BEND7: variants seen among roughly 807,000 people sequenced by gnomAD.
BEND7 encodes the protein BEN domain-containing protein 7.
In BEND7, 28 loss-of-function variants were observed where a neutral mutation model predicts 50.9. The observed-to-expected ratio is 0.55, with a 90% confidence interval of 0.41 to 0.75. BEND7 has a LOEUF of 0.75. BEND7 is among the 30% of genes least tolerant of loss of function. The pLI, the probability that BEND7 is intolerant of heterozygous loss-of-function variation, is 0.00. For synonymous variants in BEND7, 170 were observed against 183.9 expected (o/e 0.92, Z 0.61); for missense variants, 477 against 491.3 (o/e 0.97, Z 0.28).
Position 13,507,033 on chromosome 10 carries a change from C to T in BEND7, c.146-6953G>A, listed in dbSNP as rs533134465. Among the ~76,000 whole-genome samples the T allele has an allele frequency of 7.2e-5, 11 of 152,114 alleles. No homozygotes were observed. The South Asian group carries it at 2.3e-3, about 32-fold the overall frequency. ...TGGGTGCATGAGTTTGAGCATGAAGCCATATTTTGGTTTTATCCACGAGTA... is the reference window on the plus strand; with the variant it reads ...TGGGTGCATGAGTTTGAGCATGAAGTCATATTTTGGTTTTATCCACGAGTA... On this transcript the variant is annotated intron_variant, in intron 2 of 8. Coordinates refer to ENST00000466271, the MANE Select transcript of BEND7 (RefSeq NM_001369863.1).
At chr10:13,484,644 T>C (rs1042183726) in intron 5 of BEND7, among the ~76,000 whole-genome samples, 1 of 152,246 alleles carries the variant, frequency 6.6e-6, no homozygotes, top group East Asian at 1.9e-4. Context: ...AAAGCGAATA[T>C]GTTAATTTAC....
intron 6 of BEND7, among the ~76,000 whole-genome samples, chr10:13,453,625 A>C (rs1838290803): frequency 6.6e-6 from 1 of 152,234 alleles, no homozygotes; most frequent in Admixed American, 6.5e-5. Context: ...TGAAGAGCTC[A>C]TTCAAATAAA....
chr10:13,472,533 G>A lies in BEND7; in HGVS notation c.1063+8366C>T, dbSNP rs769187420. On this transcript the variant is annotated intron_variant, in intron 6 of 8. Transcript: ENST00000466271. ...ATTGTTAGACTTGGGGCTGGTACCC[G>A]TCATCGCTGTTGGACTTGGGGCCGA... is the stretch of plus-strand genomic sequence containing the variant. 3.0e-4 allele frequency among the ~76,000 whole-genome samples: 46 copies of A among 151,218 alleles called. 1 individual carries two copies. The highest frequency in any genetic ancestry group is 4.2e-4 in the South Asian group (2 of 4,762).
chr10:13,512,437 G>C (rs2078343874), intron 2 of BEND7, among the ~76,000 whole-genome samples: 1 of 152,238 alleles, frequency 6.6e-6, no homozygotes, highest in African/African-American at 2.4e-5. Context: ...AATAGAACAA[G>C]ACTGTAGATT....
chr10:13,506,959 T>C (rs934358568), intron 2 of BEND7, among the ~76,000 whole-genome samples: 7 of 152,012 alleles, frequency 4.6e-5, no homozygotes, highest in African/African-American at 1.7e-4. Flanking sequence ...GGAGTCTAGT[T>C]TCGATGAAGA....
intron 6 of BEND7, among the ~76,000 whole-genome samples, chr10:13,469,705 G>A (rs1440583381): frequency 2.0e-5 from 3 of 152,074 alleles, no homozygotes; most frequent in African/African-American, 7.2e-5. Flanking sequence ...TCAATCTCTC[G>A]ACCTCATGAT....
chr10:13,454,558 T>A (rs1838508834), intron 6 of BEND7, among the ~76,000 whole-genome samples: 1 of 151,838 alleles, frequency 6.6e-6, no homozygotes. Flanking sequence ...AGTTCAAGGC[T>A]GCAGTGAGCT....
intron 8 of BEND7, chr10:13,443,695 G>A (rs1835704255): frequency 6.6e-6 from 1 of 152,194 alleles, no homozygotes; most frequent in African/African-American, 2.4e-5. Context: ...TGGCCTAAAA[G>A]ATAATTTACC....
At chr10:13,448,213 G>A (rs1836849318) in intron 7 of BEND7, among the ~76,000 whole-genome samples, 2 of 152,082 alleles carry the variant, frequency 1.3e-5, no homozygotes, top group African/African-American at 2.4e-5. Flanking sequence ...AAAACCTTCT[G>A]TTACATGCGA....
At chr10:13,479,237 G>C (rs1316799882) in intron 6 of BEND7, among the ~76,000 whole-genome samples, 2 of 151,982 alleles carry the variant, frequency 1.3e-5, no homozygotes, top group Admixed American at 6.6e-5. Context: ...TTGAACTGCT[G>C]ACCTGCAGTG....
rs145419500 is a variant in BEND7 at position 13,503,051 on chromosome 10, T to C, written c.146-2971A>G. 2.1e-4 allele frequency: 84 copies of C among 393,566 alleles called. No individual in the cohort carries two copies. In the East Asian group the frequency reaches 0.012, roughly 57 times the overall value. 24.4% of individuals were successfully genotyped at this position (393,566 alleles called of 1,614,324 possible). ...ACCTTCTGAGGGCAAATCTGCTTTG[T>C]CATGACCTCAGTTTCAGAGTTCCAG... is the stretch of plus-strand genomic sequence containing the variant. On this transcript the variant is annotated intron_variant, in intron 2 of 8. Transcript: ENST00000466271.
intron 6 of BEND7, 92 bp from the exon 7 acceptor site, chr10:13,452,750 G>C (rs1219041419): frequency 1.6e-6 from 2 of 1,234,676 alleles, no homozygotes; most frequent in African/African-American, 3.1e-5. Context: ...AAAAAAAGTA[G>C]ATTTCTAAAG....
Position 13,529,012 on chromosome 10 carries a change from G to T in BEND7, c.-479C>A. The T allele has an allele frequency of 6.8e-6, 1 of 146,162 alleles. No individual in the cohort carries two copies. The highest frequency in any genetic ancestry group is 1.8e-4 in the South Asian group (1 of 5,510). 9.1% of individuals were successfully genotyped at this position (146,162 alleles called of 1,614,324 possible). On this transcript the variant is annotated 5_prime_UTR_variant, in exon 1 of 9. Transcript: ENST00000466271. ...GCGGGCGGGCTGCGGGGAGGGCGGC[G>T]GCGGGTGCAGAGCCGGCCGGGGCGC...
intron 2 of BEND7, among the ~76,000 whole-genome samples, chr10:13,502,505 G>A (rs947873901): frequency 3.9e-5 from 6 of 152,140 alleles, no homozygotes; most frequent in African/African-American, 9.7e-5. Context: ...GACCAAGCGA[G>A]ATTTCAATAA....
chr10:13,458,569 A>T (rs1406774991), intron 6 of BEND7, among the ~76,000 whole-genome samples: 1 of 152,244 alleles, frequency 6.6e-6, no homozygotes, highest in Non-Finnish European at 1.5e-5. Context: ...CCAGCTTCAG[A>T]GTTGATGATT....
chr10:13,482,132 C>A (rs2075909344), intron 5 of BEND7, among the ~76,000 whole-genome samples: 1 of 152,180 alleles, frequency 6.6e-6, no homozygotes, highest in South Asian at 2.1e-4. Context: ...TATTAGATTG[C>A]AGCCCTCCCT....
intron 6 of BEND7, among the ~76,000 whole-genome samples, chr10:13,464,859 T>A (rs1269171073): frequency 1.3e-5 from 2 of 152,230 alleles, no homozygotes; most frequent in Non-Finnish European, 2.9e-5. Flanking sequence ...TCTTTTGGGA[T>A]AAGCACCAAA....
At chr10:13,502,368 G>A (rs2077534878) in intron 2 of BEND7, among the ~76,000 whole-genome samples, 1 of 152,158 alleles carries the variant, frequency 6.6e-6, no homozygotes, top group African/African-American at 2.4e-5. Context: ...ATATTGCTAT[G>A]TGTTGTTGGC....
In BEND7 at chr10:13,447,582, C is replaced by T. The variant is rs926695666; in HGVS notation, c.1184-266G>A. ...TTTTTGAGACGGAGTCTCGCTCTGT[C>T]GCCCAGGCTGGAGTGCAGTGGCGCG... On this transcript the variant is annotated intron_variant, in intron 7 of 8. Transcript: ENST00000466271. Among the ~76,000 whole-genome samples, 7 of 121,510 alleles carry T rather than the reference C, an allele frequency of 5.8e-5. No homozygotes were observed. The South Asian group carries it at 7.6e-4, about 13-fold the overall frequency. 79.7% of individuals were successfully genotyped at this position (121,510 alleles called of 152,430 possible). A position where few individuals can be genotyped will look rare whatever the true frequency, so the allele number is the denominator to read the frequency against.
Sources: allele counts gnomAD v4.1 joint callset (sites outside exome capture counted in the v4.1 genomes callset), GRCh38; gene constraint gnomAD v4.1.1; transcripts MANE v1.5; gene names NCBI Gene and HGNC (gene_info 2026-07-23, HGNC 2026-07-21).